The following ALG11 variants were observed in gnomAD, a reference collection of about 807,000 sequenced individuals.
The protein encoded by ALG11 is ALG11 alpha-1,2-mannosyltransferase, also known as GDP-Man:Man(3)GlcNAc(2)-PP-Dol alpha-1,2-mannosyltransferase.
ALG11 carries 26 observed loss-of-function variants against 38.8 expected under a neutral mutation model. The observed-to-expected ratio is 0.67, with a 90% CI of 0.49 to 0.93. The LOEUF (loss-of-function observed/expected upper bound fraction) is 0.93. ALG11 is among the 40% of genes least tolerant of loss of function. ALG11 has a pLI of 0.00. For missense variants in ALG11, 535 were observed against 578.8 expected, an observed-to-expected ratio of 0.92 and a Z score of 0.78; for synonymous variants, 199 against 211.6, an observed-to-expected ratio of 0.94 and a Z score of 0.52.
rs1305529762 is a variant in ALG11, at chr13:52,024,821, TAGG to T, written c.1094_1096del (p.Gly365del). The T allele has an allele frequency of 1.9e-6, 3 of 1,613,986 alleles. No individual in the cohort carries two copies. The African/African-American group carries it at 4.0e-5, about 22-fold the overall frequency. On this transcript the variant is annotated inframe_deletion, in exon 3 of 4. Transcript: ENST00000521508. ...CAACTGAGAAGGCTGTCTGAGGATT[TAGG>T]AGTTCAAGAATATGTGGAATTTAAA... is the stretch of plus-strand genomic sequence containing the variant.
At chr13:52,017,953 T>C (rs1954148819) in intron 1 of ALG11, among the ~76,000 whole-genome samples, 3 of 152,226 alleles carry the variant, frequency 2.0e-5, no homozygotes, top group African/African-American at 7.2e-5. Flanking sequence ...ACTTTTGGCA[T>C]TTTATTGTTT....
intron 3 of ALG11, among the ~76,000 whole-genome samples, chr13:52,028,010 G>C (rs773435330): frequency 1.3e-5 from 2 of 151,980 alleles, no homozygotes; most frequent in Non-Finnish European, 2.9e-5. Context: ...GTAAATCCCA[G>C]CACTTTGGGA....
chr13:52,018,522 AT>A (rs892899186), intron 1 of ALG11, among the ~76,000 whole-genome samples: 268 of 151,922 alleles, frequency 1.8e-3, no homozygotes, highest in African/African-American at 5.7e-3. Context: ...CAAAAGACAT[AT>A]TTTTTTTGGC....
chr13:52,031,303 T>C lies in ALG11; in HGVS notation c.*2713T>C, dbSNP rs1954301575. Reference sequence around the variant, plus strand: ...GATCAGACATTAGAACACAGAAAAATTCTAGTACATTTAAATTCTAAACAA... The same window carrying C: ...GATCAGACATTAGAACACAGAAAAACTCTAGTACATTTAAATTCTAAACAA... On this transcript the variant is annotated 3_prime_UTR_variant, in exon 4 of 4. Coordinates refer to ENST00000521508, the MANE Select transcript of ALG11 (RefSeq NM_001004127.3). 3 of 770,844 alleles carry C rather than the reference T, an allele frequency of 3.9e-6. No individual in the cohort carries two copies. In the South Asian group the frequency reaches 7.3e-5, roughly 19 times the overall value. The allele number at this position is 770,844 out of a possible 1,614,324, so 47.8% of individuals were successfully genotyped here. A position where few individuals can be genotyped will look rare whatever the true frequency, so the allele number is the denominator to read the frequency against.
chr13:52,030,026 G>A lies in ALG11; in HGVS notation c.*1436G>A, dbSNP rs201263625. 81 of 1,614,124 alleles carry A rather than the reference G, an allele frequency of 5.0e-5. No homozygotes were observed. The highest frequency in any genetic ancestry group is 1.7e-6 in the Non-Finnish European group (2 of 1,180,050). On this transcript the variant is annotated 3_prime_UTR_variant, in exon 4 of 4. Transcript: ENST00000521508. The stretch of plus-strand genomic sequence containing the variant: ...TCATGAGGTTTCTGCAAGTGAGGCA[G>A]AAGAAAGACCAGTGGCAGAGGAAGA...
chr13:52,015,550 G>T (rs1954127304), intron 1 of ALG11, among the ~76,000 whole-genome samples: 1 of 152,168 alleles, frequency 6.6e-6, no homozygotes, highest in Non-Finnish European at 1.5e-5. Flanking sequence ...TTGTGGGAGG[G>T]ATCCAGGGGG....
chr13:52,028,843 C>T lies in ALG11; in HGVS notation c.*253C>T. The T allele has an allele frequency of 6.2e-7, 1 of 1,614,154 alleles. No individual in the cohort carries two copies. The highest frequency in any genetic ancestry group is 1.1e-5 in the South Asian group (1 of 91,084). ...AGGTTGCAGAGAATCTGGCTTTGAG[C>T]CACCAGGAAGAACTAGTGGATTTGC... On this transcript the variant is annotated 3_prime_UTR_variant, in exon 4 of 4. Coordinates refer to ENST00000521508, the MANE Select transcript of ALG11 (RefSeq NM_001004127.3).
At chr13:52,027,170 T>C (rs949530991) in intron 3 of ALG11, among the ~76,000 whole-genome samples, 1 of 151,634 alleles carries the variant, frequency 6.6e-6, no homozygotes, top group African/African-American at 2.4e-5. Flanking sequence ...TGAGCAAAAA[T>C]CAAAAGTCAA....
At chr13:52,021,179 TAAC>T (rs61435477) in intron 2 of ALG11, 70,956 of 151,902 alleles carry the variant, frequency 0.47, 18,301 homozygotes, top group Non-Finnish European at 0.58. Flanking sequence ...AAATATCTGA[TAAC>T]AATCAAAATC....
Position 52,024,164 on chromosome 13 carries a change from C to T in ALG11, c.434C>T (p.Pro145Leu). The change falls in exon 3 of 4, where the codon CCT becomes CTT. Residue 145 changes from proline (P) to leucine (L), a missense_variant. Coordinates refer to ENST00000521508, the MANE Select transcript of ALG11 (RefSeq NM_001004127.3). ...KRYLVEDSLY[P>L]HFTLLGQSLG... ...TATCTTGTGGAAGATTCACTGTATC[C>T]TCACTTCACACTGCTGGGCCAAAGT... 6.2e-7 allele frequency: 1 copy of T among 1,614,030 alleles called. No homozygotes were observed. The highest frequency in any genetic ancestry group is 8.5e-7 in the Non-Finnish European group (1 of 1,180,006).
intron 2 of ALG11, chr13:52,023,156 T>C (rs1954200486): frequency 6.6e-6 from 1 of 152,242 alleles, no homozygotes; most frequent in Admixed American, 6.5e-5. Context: ...TGTGATCCTA[T>C]CTGAAGACAG....
chr13:52,014,165 A>G (rs1402653496), intron 1 of ALG11, among the ~76,000 whole-genome samples: 1 of 152,228 alleles, frequency 6.6e-6, no homozygotes, highest in African/African-American at 2.4e-5. Flanking sequence ...AATTTTCTTC[A>G]TATACTTCAA....
Position 52,024,342 on chromosome 13 carries a change from C to T in ALG11, c.612C>T (p.Thr204=), listed in dbSNP as rs765827190. ...ATGTTCATTATCCTACTATCAGCAC[C>T]GACATGCTCTCTGTAGTGAAGAATC... ...GSYVHYPTIS[T]DMLSVVKNQN... Residue 204 remains threonine (T), a synonymous_variant, in exon 3 of 4, where the codon ACC becomes ACT. Transcript: ENST00000521508. 80 of 1,613,968 alleles carry T rather than the reference C, an allele frequency of 5.0e-5. No homozygotes were observed. The highest frequency in any genetic ancestry group is 6.2e-5 in the Non-Finnish European group (73 of 1,180,022).
chr13:52,017,261 AG>A (rs1197908969), intron 1 of ALG11: 1 of 152,288 alleles, frequency 6.6e-6, no homozygotes, highest in Non-Finnish European at 1.5e-5. Flanking sequence ...CATAGGCAGA[AG>A]GGACTTGCCT....
intron 1 of ALG11, among the ~76,000 whole-genome samples, chr13:52,014,398 A>C (rs2140827492): frequency 6.6e-6 from 1 of 152,316 alleles, no homozygotes; most frequent in South Asian, 2.1e-4. Context: ...TAAAAAGTTT[A>C]AAGTTCTTTA....
chr13:52,028,978 G>A lies in ALG11; in HGVS notation c.*388G>A. ...TTTCCCTTGATGGAAAGAATAGGCGGAAATTGGCTGAGAGGTCTGAGGCTA... is the reference window on the plus strand; with the variant it reads ...TTTCCCTTGATGGAAAGAATAGGCGAAAATTGGCTGAGAGGTCTGAGGCTA... On this transcript the variant is annotated 3_prime_UTR_variant, in exon 4 of 4. Coordinates refer to ENST00000521508, the MANE Select transcript of ALG11 (RefSeq NM_001004127.3). 1 of 1,614,258 alleles carries A rather than the reference G, an allele frequency of 6.2e-7. No homozygotes were observed. Among genetic ancestry groups the A allele is most frequent in the Non-Finnish European group, 8.5e-7 (1 of 1,180,046 alleles).
chr13:52,030,969 C>T lies in ALG11; in HGVS notation c.*2379C>T. ...AAGCTGACTACTCCCAAGGTCGTCA[C>T]CAAGCCAGGCCATATCATTAAGCCC... is the stretch of plus-strand genomic sequence containing the variant. On this transcript the variant is annotated 3_prime_UTR_variant, in exon 4 of 4. Transcript: ENST00000521508. The T allele has an allele frequency of 6.2e-7, 1 of 1,614,194 alleles. No homozygotes were observed.
At chr13:52,023,399 T>C (rs984265274) in intron 2 of ALG11, 4 of 152,190 alleles carry the variant, frequency 2.6e-5, no homozygotes, top group African/African-American at 9.6e-5. Context: ...AAAACATCAT[T>C]TTTAGTATGA....
chr13:52,029,730 C>A lies in ALG11; in HGVS notation c.*1140C>A. 1 of 1,614,126 alleles carries A rather than the reference C, an allele frequency of 6.2e-7. No individual in the cohort carries two copies. Among genetic ancestry groups the A allele is most frequent in the Admixed American group, 1.7e-5 (1 of 60,024 alleles). Reference sequence around the variant, plus strand: ...AGTGGGAAATGGGCCAAGTCAAAGGCAATTATGGCCAAATATGACCTGGAG... The same window carrying A: ...AGTGGGAAATGGGCCAAGTCAAAGGAAATTATGGCCAAATATGACCTGGAG... On this transcript the variant is annotated 3_prime_UTR_variant, in exon 4 of 4. Coordinates refer to ENST00000521508, the MANE Select transcript of ALG11 (RefSeq NM_001004127.3).
Sources: allele counts gnomAD v4.1 joint callset (sites outside exome capture counted in the v4.1 genomes callset), GRCh38; gene constraint gnomAD v4.1.1; transcripts MANE v1.5; gene names NCBI Gene and HGNC (gene_info 2026-07-23, HGNC 2026-07-21).